The following IGSF11 variants were observed in gnomAD, a reference collection of about 807,000 sequenced individuals.
The protein encoded by IGSF11 is CXADR like 1.
Under a neutral mutation model 41.0 loss-of-function variants are expected in IGSF11, and 22 were observed. That is an observed-to-expected ratio of 0.54 (90% CI 0.38 to 0.77). The LOEUF (loss-of-function observed/expected upper bound fraction) is 0.77. Ranked by LOEUF, IGSF11 falls within the 30% of genes least tolerant of loss-of-function variation. The pLI is 0.00. For synonymous variants in IGSF11, 219 were observed against 201.3 expected (o/e 1.09, Z -0.74); for missense variants, 444 against 530.8 (o/e 0.84, Z 1.61).
At chr3:119,108,574 C>A (rs1378955579), upstream of IGSF11, among the ~76,000 whole-genome samples, 8 of 140,520 alleles carry the variant, frequency 5.7e-5, no homozygotes, top group Admixed American at 3.7e-4. Flanking sequence ...ATTGAATACC[C>A]TTTATTTCCT....
intron 1 of IGSF11, among the ~76,000 whole-genome samples, chr3:119,134,112 T>C (rs1576837784): frequency 6.6e-6 from 1 of 152,176 alleles, no homozygotes; most frequent in South Asian, 2.1e-4. Flanking sequence ...AATATCATAC[T>C]GAATGGGCAA....
At chr3:119,108,230 T>G (rs1336762864), upstream of IGSF11, among the ~76,000 whole-genome samples, 1 of 151,444 alleles carries the variant, frequency 6.6e-6, no homozygotes, top group African/African-American at 2.4e-5. Flanking sequence ...GCATGGAATG[T>G]TCTTCCATTT....
intron 2 of IGSF11, 112 bp downstream of exon 2, chr3:118,930,000 T>C: frequency 9.3e-7 from 1 of 1,072,884 alleles, no homozygotes; most frequent in Non-Finnish European, 1.4e-6. Flanking sequence ...TACACGCACA[T>C]TGACAATGCC....
At chr3:118,923,749 C>T (rs1010592671) in intron 4 of IGSF11, among the ~76,000 whole-genome samples, 2 of 152,114 alleles carry the variant, frequency 1.3e-5, no homozygotes, top group Non-Finnish European at 2.9e-5. Flanking sequence ...TTTGCCTTCA[C>T]GTTTGTTTGT....
chr3:118,996,852 GC>G (rs1936321784), intron 1 of IGSF11, among the ~76,000 whole-genome samples: 1 of 152,068 alleles, frequency 6.6e-6, no homozygotes, highest in Non-Finnish European at 1.5e-5. Flanking sequence ...GCCTGCCTCG[GC>G]CTCCCAAAGT....
intron 1 of IGSF11, among the ~76,000 whole-genome samples, chr3:118,963,318 G>T (rs936538868): frequency 2.0e-5 from 3 of 152,104 alleles, no homozygotes; most frequent in Non-Finnish European, 2.9e-5. Context: ...TGATATTCTG[G>T]ACTTCAATGG....
intron 1 of IGSF11, among the ~76,000 whole-genome samples, chr3:119,115,924 G>C (rs1303177295): frequency 1.3e-5 from 2 of 152,000 alleles, no homozygotes; most frequent in Admixed American, 1.3e-4. Context: ...AAAAGCCTTA[G>C]GAAAACATTT....
At chr3:119,058,271 T>G (rs1049091567) in intron 1 of IGSF11, among the ~76,000 whole-genome samples, 7 of 151,824 alleles carry the variant, frequency 4.6e-5, no homozygotes, top group Non-Finnish European at 7.4e-5. Context: ...TCAAACAAAT[T>G]TACAAGAAAA....
chr3:119,129,091 G>A (rs748628233), intron 1 of IGSF11, among the ~76,000 whole-genome samples: 14 of 152,098 alleles, frequency 9.2e-5, no homozygotes, highest in African/African-American at 1.7e-4. Flanking sequence ...ATTCTCACTC[G>A]TAAGTGGGAG....
chr3:119,059,205 ACAC>A (rs1941970183), intron 1 of IGSF11, among the ~76,000 whole-genome samples: 2 of 151,464 alleles, frequency 1.3e-5, no homozygotes, highest in South Asian at 2.1e-4. Context: ...ACACACACAC[ACAC>A]CACACCATGG....
intron 1 of IGSF11, among the ~76,000 whole-genome samples, chr3:119,048,450 G>A (rs1300517945): frequency 1.3e-5 from 2 of 152,212 alleles, no homozygotes; most frequent in Admixed American, 1.3e-4. Flanking sequence ...AAACCAGGAA[G>A]AAGGTGAATC....
At chr3:119,106,607 T>C (rs998737923), upstream of IGSF11, among the ~76,000 whole-genome samples, 21 of 152,198 alleles carry the variant, frequency 1.4e-4, no homozygotes, top group Non-Finnish European at 1.9e-4. Flanking sequence ...ATTATTACAC[T>C]TCAAGTTTTA....
At chr3:119,004,357 T>C (rs1408539124) in intron 1 of IGSF11, among the ~76,000 whole-genome samples, 1 of 150,036 alleles carries the variant, frequency 6.7e-6, no homozygotes, top group Non-Finnish European at 1.5e-5. Context: ...CTCTCTTTTT[T>C]TCTTTATTAG....
intron 1 of IGSF11, among the ~76,000 whole-genome samples, chr3:119,005,318 A>T (rs893676499): frequency 5.4e-5 from 8 of 148,864 alleles, no homozygotes; most frequent in Admixed American, 5.3e-4. Context: ...TTTGCTTGGT[A>T]GATCTTCCTC....
chr3:118,949,378 A>G (rs551374312), intron 1 of IGSF11: 2 of 152,266 alleles, frequency 1.3e-5, no homozygotes, highest in Non-Finnish European at 2.9e-5. Context: ...CCAGAAGCTT[A>G]AAAAACCCTA....
At chr3:118,988,226 A>G (rs1350731829) in intron 1 of IGSF11, among the ~76,000 whole-genome samples, 6 of 152,226 alleles carry the variant, frequency 3.9e-5, no homozygotes, top group Non-Finnish European at 7.3e-5. Context: ...CTGGCACAGT[A>G]TGTACATGAT....
intron 1 of IGSF11, among the ~76,000 whole-genome samples, chr3:119,125,609 G>A (rs2077393768): frequency 6.6e-6 from 1 of 152,176 alleles, no homozygotes; most frequent in Admixed American, 6.5e-5. Context: ...ATTATCACAA[G>A]GGCGGGGGAA....
At position 118,997,115 on chromosome 3, in the gene IGSF11, CCTCA is replaced by C. The variant is rs1282199149; in HGVS notation, c.52+37412_52+37415del. 3.3e-5 allele frequency among the ~76,000 whole-genome samples: 5 copies of C among 151,956 alleles called. No homozygotes were observed. The South Asian group carries it at 6.2e-4, about 19-fold the overall frequency. ...AGCCTGAATCCAAACTGACATTTGG[CCTCA>C]CTATTTCAGGACTAAACAGTAATAG... is the stretch of plus-strand genomic sequence containing the variant. On this transcript the variant is annotated intron_variant, in intron 1 of 6. Transcript: ENST00000393775.
At chr3:118,950,523 G>C (rs1418968786) in intron 1 of IGSF11, among the ~76,000 whole-genome samples, 1 of 151,866 alleles carries the variant, frequency 6.6e-6, no homozygotes, top group Admixed American at 6.6e-5. Flanking sequence ...TCTCACTGAT[G>C]TATTTCTCCT....
Sources: gnomAD v4.1 joint callset for allele counts (sites outside exome capture counted in the v4.1 genomes callset) on GRCh38, gnomAD v4.1.1 for gene constraint, MANE v1.5 for transcripts, NCBI Gene and HGNC (gene_info 2026-07-23, HGNC 2026-07-21) for gene names.